TULP1: variants seen among roughly 807,000 people sequenced by gnomAD.
TULP1 encodes the protein TUB like protein 1, also known as tubby-related protein 1.
In TULP1, 50 loss-of-function variants were observed where a neutral mutation model predicts 67.1. The ratio of observed to expected loss-of-function variants is 0.75; its 90% CI spans 0.59 to 0.94. The LOEUF is 0.94. Among genes scored for constraint, TULP1 ranks in the 40% least tolerant of loss-of-function variants. TULP1 has a pLI of 0.00. For synonymous variants in TULP1, 297 were observed against 294.0 expected (o/e 1.01, Z -0.11); for missense variants, 746 against 734.1 (o/e 1.02, Z -0.19).
At chr6:35,500,303 A>G (rs759531934) in intron 13 of TULP1, 151 bp from the exon 14 acceptor site, 15 of 841,116 alleles carry the variant, frequency 1.8e-5, no homozygotes, top group Non-Finnish European at 2.6e-5. Context: ...TAGGCTTGGC[A>G]TCTGTGGCAT....
At position 35,512,700 on chromosome 6, in the gene TULP1, G is replaced by T. The variant is rs1243645289; in HGVS notation, c.48-10C>A. 3 of 1,613,926 alleles carry T rather than the reference G, an allele frequency of 1.9e-6. No homozygotes were observed. Among genetic ancestry groups the T allele is most frequent in the Non-Finnish European group, 2.5e-6 (3 of 1,179,988 alleles). ...TTCTTCTTCATGCCCACTGAGGGTA[G>T]CAAAGGGATCAGCCTGTCTCCCTTC... On this transcript the variant is annotated splice_polypyrimidine_tract_variant and intron_variant, in intron 1 of 14. Coordinates refer to ENST00000229771, the MANE Select transcript of TULP1 (RefSeq NM_003322.6).
Position 35,512,488 on chromosome 6 carries a change from C to G in TULP1, c.99+151G>C. The G allele has an allele frequency of 1.3e-5, 14 of 1,079,750 alleles. No homozygotes were observed. The South Asian group carries it at 2.0e-4, about 16-fold the overall frequency. The allele number at this position is 1,079,750 out of a possible 1,614,324, so 66.9% of individuals were successfully genotyped here. A position where few individuals can be genotyped will look rare whatever the true frequency, so the allele number is the denominator to read the frequency against. ...TTCCTTCCCTGGAAACCCCAAGTCC[C>G]CAAACAGCCCTTTCTCCCCCCAGAT... is the stretch of plus-strand genomic sequence containing the variant. On this transcript the variant is annotated intron_variant, in intron 2 of 14. Coordinates refer to ENST00000229771, the MANE Select transcript of TULP1 (RefSeq NM_003322.6).
chr6:35,510,757 T>C (rs1761179965), intron 5 of TULP1, 104 bp downstream of exon 5: 16 of 1,602,024 alleles, frequency 1.0e-5, no homozygotes, highest in Middle Eastern at 1.7e-4. Context: ...AGCACTGGGT[T>C]CATTTTGAGG....
chr6:35,509,674 A>G lies in TULP1; in HGVS notation c.678T>C (p.Val226=), dbSNP rs761850711. 6.2e-7 allele frequency: 1 copy of G among 1,613,738 alleles called. No homozygotes were observed. The highest frequency in any genetic ancestry group is 1.3e-5 in the African/African-American group (1 of 74,820). ...ARKSPAAMFL[V]GEGSPDKKAL... ...CTTTCTTGTCAGGACTGCCTTCCCC[A>G]ACCAGAAACATGGCTGCTGGGCTCT... The change falls in exon 7 of 15, where the codon GTT becomes GTC. Residue 226 remains valine, a synonymous_variant. Coordinates refer to ENST00000229771, the MANE Select transcript of TULP1 (RefSeq NM_003322.6).
rs775196326 is a variant in TULP1, at chr6:35,500,087, G to C, written c.1389C>G (p.Asn463Lys). The stretch of plus-strand genomic sequence containing the variant: ...TGTCATCGTTCCAGACAGGTGGCTT[G>C]TTGTGCAGTTCTATGAGGCTCTCCA... Reference protein sequence around the residue: ...KTLESLIELHNKPPVWNDDSG... With the variant: ...KTLESLIELHKKPPVWNDDSG... The change falls in exon 14 of 15, where the codon AAC becomes AAG. Residue 463 changes from asparagine (N) to lysine (K), a missense_variant. By Grantham distance (94) the Asn-to-Lys change is moderately conservative. Around this residue, in one of 3 missense-constraint regions of TULP1, gnomAD observed 383 missense variants for 374.1 expected, o/e 1.02. Coordinates refer to ENST00000229771, the MANE Select transcript of TULP1 (RefSeq NM_003322.6). 5.6e-6 allele frequency: 9 copies of C among 1,614,194 alleles called. No homozygotes were observed. The highest frequency in any genetic ancestry group is 7.6e-6 in the Non-Finnish European group (9 of 1,180,026).
At chr6:35,507,347 G>A (rs1339338601) in intron 8 of TULP1, among the ~76,000 whole-genome samples, 1 of 151,788 alleles carries the variant, frequency 6.6e-6, no homozygotes, top group Non-Finnish European at 1.5e-5. Context: ...CAGAGTGACC[G>A]AAGCCCCAGC....
intron 11 of TULP1, among the ~76,000 whole-genome samples, chr6:35,504,544 C>T: frequency 6.6e-6 from 1 of 152,054 alleles, no homozygotes; most frequent in East Asian, 1.9e-4. Context: ...AATGGGTTAA[C>T]ATTTGGAAGT....
At chr6:35,512,151 G>C in intron 3 of TULP1, 29 bp downstream of exon 3, 8 of 1,311,288 alleles carry the variant, frequency 6.1e-6, no homozygotes, top group Non-Finnish European at 6.9e-6. Flanking sequence ...ACACCCTGGG[G>C]GTCCACCCGG....
chr6:35,506,329 T>G, intron 8 of TULP1, 50 bp from the exon 9 acceptor site: 2 of 1,549,190 alleles, frequency 1.3e-6, no homozygotes, highest in Non-Finnish European at 1.7e-6. Flanking sequence ...GCCGCATCCC[T>G]GGAGGCGGGG....
Position 35,509,765 on chromosome 6 carries a change from G to A in TULP1, c.602-15C>T. 6.2e-7 allele frequency: 1 copy of A among 1,614,076 alleles called. No homozygotes were observed. The highest frequency in any genetic ancestry group is 8.5e-7 in the Non-Finnish European group (1 of 1,179,986). On this transcript the variant is annotated splice_polypyrimidine_tract_variant and intron_variant, in intron 6 of 14. Coordinates refer to ENST00000229771, the MANE Select transcript of TULP1 (RefSeq NM_003322.6). Reference sequence around the variant, plus strand: ...CTCCCCAGACCCTGCATGTGTGGATGTGAAAGCGTCACAACCCCCACCGCA... The same window carrying A: ...CTCCCCAGACCCTGCATGTGTGGATATGAAAGCGTCACAACCCCCACCGCA...
At position 35,498,438 on chromosome 6, in the gene TULP1, G is replaced by A. The variant is rs764536885; in HGVS notation, c.1518C>T (p.Phe506=). 2.2e-5 allele frequency: 35 copies of A among 1,613,848 alleles called. 1 individual carries two copies. Among genetic ancestry groups the A allele is most frequent in the East Asian group, 1.6e-4 (7 of 44,892 alleles). Residue 506 remains phenylalanine (F), a synonymous_variant, in exon 15 of 15, where the codon TTC becomes TTT. Transcript: ENST00000229771. This position sits in a 1 kb window ranked among gnomAD's most constrained non-coding sequence, Gnocchi z 6.7. The stretch of plus-strand genomic sequence containing the variant: ...TGAAGGCGTCCTCCGCCACGCGGCC[G>A]AACTGCAGCACGATATAGTCGGCTA... ...ADDPDYIVLQ[F]GRVAEDAFTL... is the part of the protein sequence containing the mutation.
In TULP1 at chr6:35,503,768, C is replaced by G. The variant is rs774002721; in HGVS notation, c.1193G>C (p.Ser398Thr). The G allele has an allele frequency of 6.2e-7, 1 of 1,613,632 alleles. No individual in the cohort carries two copies. The highest frequency in any genetic ancestry group is 1.1e-5 in the South Asian group (1 of 90,966). ...CACAGCTGCCAGCTCCTGCCGAAGG[C>G]TTGCCACATTAGTGCTGTACCCACG... ...PQRGYSTNVA[S>T]LRQELAAVIY... Residue 398 changes from serine to threonine, a missense_variant, in exon 12 of 15, where the codon AGC (serine) becomes ACC (threonine). Physicochemically the swap from Ser to Thr is moderately conservative, Grantham distance 58. Around this residue, in one of 3 missense-constraint regions of TULP1, gnomAD observed 383 missense variants for 374.1 expected, o/e 1.02. Transcript: ENST00000229771. This position sits in a 1 kb window ranked among gnomAD's most constrained non-coding sequence, Gnocchi z 4.0.
intron 13 of TULP1, among the ~76,000 whole-genome samples, chr6:35,502,007 C>A (rs1760976498): frequency 6.6e-6 from 1 of 152,128 alleles, no homozygotes; most frequent in Non-Finnish European, 1.5e-5. Flanking sequence ...TGCCACAGGA[C>A]CTTTGCACTG....
At position 35,498,133 on chromosome 6, in the gene TULP1, C is replaced by T. The variant is rs1768741005; in HGVS notation, c.*194G>A. On this transcript the variant is annotated 3_prime_UTR_variant, in exon 15 of 15. Transcript: ENST00000229771. The surrounding 1 kb of genome is among the most constrained non-coding windows in gnomAD (Gnocchi z 6.7). ...AGATGTTCTTCATCTCCGTCCTACC[C>T]GCCGTCCGGGCTCCTCCTGCCTCGG... 2 of 887,632 alleles carry T rather than the reference C, an allele frequency of 2.3e-6. No individual in the cohort carries two copies. The highest frequency in any genetic ancestry group is 1.7e-6 in the Non-Finnish European group (1 of 596,812). 55.0% of individuals were successfully genotyped at this position (887,632 alleles called of 1,614,324 possible). A position where few individuals can be genotyped will look rare whatever the true frequency, so the allele number is the denominator to read the frequency against.
rs116949286 is a variant in TULP1 at position 35,502,472 on chromosome 6, G to A, written c.1323+1087C>T. 8.7e-3 allele frequency among the ~76,000 whole-genome samples: 1,306 copies of A among 150,256 alleles called. 19 individuals carry two copies. Among genetic ancestry groups the A allele is most frequent in the East Asian group, 0.044 (223 of 5,082 alleles). ...CTCCCAAAATGCTGGGGTCACAAGC[G>A]TGAGCCACCATGGCTGGCAACATTT... On this transcript the variant is annotated intron_variant, in intron 13 of 14. Coordinates refer to ENST00000229771, the MANE Select transcript of TULP1 (RefSeq NM_003322.6).
rs1469529214 is a variant in TULP1 at position 35,498,566 on chromosome 6, T to C, written c.1496-106A>G. ...GGCAGTCTGTCCCTTGCCTTGGGGC[T>C]CCAACCCTCAGCCACCATCTCAGTT... is the stretch of plus-strand genomic sequence containing the variant. On this transcript the variant is annotated intron_variant, in intron 14 of 14. Coordinates refer to ENST00000229771, the MANE Select transcript of TULP1 (RefSeq NM_003322.6). The surrounding 1 kb of genome is among the most constrained non-coding windows in gnomAD (Gnocchi z 6.7). 1 of 1,534,130 alleles carries C rather than the reference T, an allele frequency of 6.5e-7. No individual in the cohort carries two copies. Among genetic ancestry groups the C allele is most frequent in the Non-Finnish European group, 8.8e-7 (1 of 1,130,866 alleles).
chr6:35,501,350 C>T (rs1467355548), intron 13 of TULP1, among the ~76,000 whole-genome samples: 1 of 151,812 alleles, frequency 6.6e-6, no homozygotes, highest in Non-Finnish European at 1.5e-5. Context: ...AAAAACTAGC[C>T]AGGTATGGTG....
chr6:35,498,927 C>G lies in TULP1; in HGVS notation c.1496-467G>C, dbSNP rs972270133. On this transcript the variant is annotated intron_variant, in intron 14 of 14. Transcript: ENST00000229771. The surrounding 1 kb of genome is among the most constrained non-coding windows in gnomAD (Gnocchi z 6.7). ...TCCCTTCAATGATCCAGGTTCCCAG[C>G]CCCAACCTCAGCACCTCCCCCAGGA... Among the ~76,000 whole-genome samples the G allele has an allele frequency of 3.8e-4, 58 of 152,140 alleles. No individual in the cohort carries two copies. Among genetic ancestry groups the G allele is most frequent in the Non-Finnish European group, 1.3e-4 (9 of 68,024 alleles).
intron 8 of TULP1, among the ~76,000 whole-genome samples, chr6:35,507,475 C>G (rs1318314172): frequency 6.6e-6 from 1 of 151,990 alleles, no homozygotes; most frequent in Non-Finnish European, 1.5e-5. Context: ...TTAAGATGCT[C>G]AGTTTGGGGT....
Sources: allele counts gnomAD v4.1 joint callset (sites outside exome capture counted in the v4.1 genomes callset), GRCh38; gene constraint gnomAD v4.1.1; regional missense constraint gnomAD v4.1.1; non-coding constraint Gnocchi (gnomAD v3.1); transcripts MANE v1.5; gene names NCBI Gene and HGNC (gene_info 2026-07-23, HGNC 2026-07-21).